HSD17B14: variants seen among roughly 807,000 people sequenced by gnomAD.
The protein encoded by HSD17B14 is hydroxysteroid 17-beta dehydrogenase 14.
In HSD17B14, 32 loss-of-function variants were observed where a neutral mutation model predicts 32.2. The ratio of observed to expected loss-of-function variants is 0.99; its 90% CI spans 0.75 to 1.33. The LOEUF is 1.33. Ranked by LOEUF, HSD17B14 falls within the 40% of genes most tolerant of loss-of-function variation. The pLI, the probability that HSD17B14 is intolerant of heterozygous loss-of-function variation, is 0.00. For missense variants in HSD17B14, 370 were observed against 366.5 expected, an observed-to-expected ratio of 1.01 and a Z score of -0.08; for synonymous variants, 140 against 155.4, an observed-to-expected ratio of 0.90 and a Z score of 0.74.
intron 5 of HSD17B14, among the ~76,000 whole-genome samples, chr19:48,830,958 C>A (rs1205167058): frequency 6.6e-6 from 1 of 152,006 alleles, no homozygotes. Context: ...CCCACCTCAG[C>A]CACCTGAGTA....
intron 5 of HSD17B14, among the ~76,000 whole-genome samples, chr19:48,822,091 A>T (rs1291519933): frequency 6.7e-6 from 1 of 149,056 alleles, no homozygotes; most frequent in African/African-American, 2.5e-5. Context: ...GATGGTGATG[A>T]TGGTGGTGAT....
chr19:48,822,600 G>A (rs2122764293), intron 5 of HSD17B14, among the ~76,000 whole-genome samples: 1 of 150,370 alleles, frequency 6.7e-6, no homozygotes, highest in East Asian at 2.0e-4. Flanking sequence ...GATGAGGATG[G>A]TGATGGTGAT....
intron 5 of HSD17B14, among the ~76,000 whole-genome samples, chr19:48,830,854 T>TTATTTATG (rs2035325405): frequency 7.4e-6 from 1 of 134,776 alleles, no homozygotes; most frequent in Admixed American, 7.4e-5. Context: ...ATTTATTTAT[T>TTATTTATG]TTTGAGACAG....
At chr19:48,825,722 A>G (rs1460853043) in intron 5 of HSD17B14, among the ~76,000 whole-genome samples, 2 of 152,166 alleles carry the variant, frequency 1.3e-5, no homozygotes, top group African/African-American at 4.8e-5. Flanking sequence ...AACTTGCATG[A>G]CGTTGCAGGT....
At position 48,814,134 on chromosome 19, in the gene HSD17B14, G is replaced by C. The variant is rs555677978; in HGVS notation, c.475-404C>G. 1.2e-3 allele frequency among the ~76,000 whole-genome samples: 188 copies of C among 152,106 alleles called. 1 individual carries two copies. Among genetic ancestry groups the C allele is most frequent in the African/African-American group, 4.3e-3 (180 of 41,474 alleles). ...CGCTTGAACCCATGAGGCAGGGGTT[G>C]CAGTGAGCTGAGATCATGCCACCAC... On this transcript the variant is annotated intron_variant, in intron 6 of 8. Coordinates refer to ENST00000263278, the MANE Select transcript of HSD17B14 (RefSeq NM_016246.3).
Position 48,826,528 on chromosome 19 carries a change from A to AAAAAATATATAT in HSD17B14, c.369+5139_369+5140insATATATATTTTT, listed in dbSNP as rs777368104. Among the ~76,000 whole-genome samples, 9 of 23,078 alleles carry AAAAAATATATAT rather than the reference A, an allele frequency of 3.9e-4. 1 individual carries two copies. Among genetic ancestry groups the AAAAAATATATAT allele is most frequent in the African/African-American group, 1.1e-3 (9 of 8,506 alleles). 15.1% of individuals were successfully genotyped at this position (23,078 alleles called of 152,430 possible). On this transcript the variant is annotated intron_variant, in intron 5 of 8. Transcript: ENST00000263278. ...AAAAAAAAGTAAAAGAAAAGAAGAA[A>AAAAAATATATAT]ATATATATATATATACACACACACA...
At position 48,822,932 on chromosome 19, in the gene HSD17B14, G is replaced by A. The variant is rs536788693; in HGVS notation, c.370-7791C>T. On this transcript the variant is annotated intron_variant, in intron 5 of 8. Coordinates refer to ENST00000263278, the MANE Select transcript of HSD17B14 (RefSeq NM_016246.3). ...TGAGGGTGGTAACAATGGTAATGATGGTGATGGAAATAACGATGGTGATAA... is the reference window on the plus strand; with the variant it reads ...TGAGGGTGGTAACAATGGTAATGATAGTGATGGAAATAACGATGGTGATAA... Among the ~76,000 whole-genome samples the A allele has an allele frequency of 1.4e-4, 21 of 152,194 alleles. No homozygotes were observed. The South Asian group carries it at 4.4e-3, about 32-fold the overall frequency.
In HSD17B14 at chr19:48,815,223, G is replaced by A. The variant is rs914849403; in HGVS notation, c.370-82C>T. On this transcript the variant is annotated intron_variant, in intron 5 of 8. Coordinates refer to ENST00000263278, the MANE Select transcript of HSD17B14 (RefSeq NM_016246.3). ...GAAACACAGCCACAGCCATCCTGAT[G>A]TCTGGGATGACGGCCACCTCCCTGG... is the stretch of plus-strand genomic sequence containing the variant. 56 of 1,057,066 alleles carry A rather than the reference G, an allele frequency of 5.3e-5. No homozygotes were observed. In the Admixed American group the frequency reaches 9.7e-4, roughly 18 times the overall value. 65.5% of individuals were successfully genotyped at this position (1,057,066 alleles called of 1,614,324 possible).
chr19:48,831,767 G>C lies in HSD17B14; in HGVS notation c.278-8C>G, dbSNP rs140572941. ...GCCTCTGTGGGGGTGGGTCTAAAGT[G>C]GGGGGTGAGAGAGAGAGGAAAAGTG... On this transcript the variant is annotated splice_polypyrimidine_tract_variant and splice_region_variant and intron_variant, in intron 4 of 8. Transcript: ENST00000263278. 5.9e-4 allele frequency: 924 copies of C among 1,571,100 alleles called. 7 individuals carry two copies. The African/African-American group carries it at 0.01, about 17-fold the overall frequency.
chr19:48,833,778 A>G (rs139108707), intron 3 of HSD17B14, among the ~76,000 whole-genome samples: 3,567 of 151,450 alleles, frequency 0.024, 67 homozygotes, highest in Middle Eastern at 0.072. Flanking sequence ...GTGAGCCGAG[A>G]TCACACCATT....
At chr19:48,835,902 T>C (rs2035501767) in intron 1 of HSD17B14, 59 bp from the exon 2 acceptor site, 8 of 1,524,144 alleles carry the variant, frequency 5.2e-6, no homozygotes, top group Non-Finnish European at 7.3e-6. Context: ...TCTGCCGCCC[T>C]CTTGTGGCCA....
intron 5 of HSD17B14, among the ~76,000 whole-genome samples, chr19:48,821,013 ATT>A (rs550582834): frequency 0.23 from 28,111 of 123,628 alleles, 2,862 homozygotes; most frequent in Admixed American, 0.27. Context: ...GGATGGATAG[ATT>A]TTTTTTTTTT....
intron 5 of HSD17B14, among the ~76,000 whole-genome samples, chr19:48,831,423 C>T (rs1470053543): frequency 2.0e-5 from 3 of 151,930 alleles, no homozygotes; most frequent in Admixed American, 6.6e-5. Flanking sequence ...TTTTGTGGCC[C>T]GCACCTGTAA....
chr19:48,835,959 T>A, intron 1 of HSD17B14, 116 bp from the exon 2 acceptor site: 2 of 888,400 alleles, frequency 2.3e-6, no homozygotes, highest in Non-Finnish European at 3.6e-6. Context: ...CCCAGTCTCA[T>A]GATCACCCAT....
chr19:48,813,325 G>A lies in HSD17B14; in HGVS notation c.663C>T (p.Pro221=). ...ACACTGCCGCAGCCCCGACCTCAGC[G>A]GGCTGGCCCATGCGGCCCAGTGGCT... is the stretch of plus-strand genomic sequence containing the variant. ...LAQPLGRMGQ[P]AEVGAAAVFL... Residue 221 remains proline, a synonymous_variant, in exon 9 of 9, where the codon CCC becomes CCT. Coordinates refer to ENST00000263278, the MANE Select transcript of HSD17B14 (RefSeq NM_016246.3). 3 of 1,592,224 alleles carry A rather than the reference G, an allele frequency of 1.9e-6. No individual in the cohort carries two copies. Among genetic ancestry groups the A allele is most frequent in the South Asian group, 1.1e-5 (1 of 88,140 alleles).
intron 5 of HSD17B14, among the ~76,000 whole-genome samples, chr19:48,827,235 G>A (rs1206857475): frequency 6.6e-6 from 1 of 151,834 alleles, no homozygotes; most frequent in African/African-American, 2.4e-5. Context: ...TAGAGACGGA[G>A]TTTCACCATG....
chr19:48,834,007 G>GT (rs1054622892), intron 3 of HSD17B14, among the ~76,000 whole-genome samples: 147 of 152,224 alleles, frequency 9.7e-4, no homozygotes, highest in African/African-American at 3.4e-3. Context: ...ATCAGTTCCA[G>GT]TTGACCCACT....
In HSD17B14 at chr19:48,836,362, C is replaced by T. The variant is rs750544442; in HGVS notation, c.50G>A (p.Gly17Asp). Residue 17 changes from glycine to aspartate, a missense_variant, in exon 1 of 9, where the codon GGC becomes GAC. Transcript: ENST00000263278. ...GATCCCAGCTCCGATGCCGCGCCCG[C>T]CCCCGGTCACGACCACCACCTTCCC... The part of the protein sequence containing the change: ...YAGKVVVVTG[G>D]GRGIGAGIVR... The T allele has an allele frequency of 1.9e-6, 3 of 1,613,894 alleles. No homozygotes were observed. The highest frequency in any genetic ancestry group is 2.5e-6 in the Non-Finnish European group (3 of 1,179,966).
intron 5 of HSD17B14, among the ~76,000 whole-genome samples, chr19:48,816,804 T>TTTCC (rs1568517399): frequency 2.5e-5 from 3 of 117,688 alleles, no homozygotes; most frequent in African/African-American, 1.1e-4. Context: ...TCTTTCTTTC[T>TTTCC]TTCTTTCTTT....
Sources: gnomAD v4.1 joint callset for allele counts (sites outside exome capture counted in the v4.1 genomes callset) on GRCh38, gnomAD v4.1.1 for gene constraint, MANE v1.5 for transcripts, NCBI Gene and HGNC (gene_info 2026-07-23, HGNC 2026-07-21) for gene names.